Variants in GOLM2 observed in about 807,000 individuals in gnomAD.
GOLM2 encodes the protein protein GOLM2.
In GOLM2, 26 loss-of-function variants were observed where a neutral mutation model predicts 55.9. The ratio of observed to expected loss-of-function variants is 0.47; its 90% CI spans 0.34 to 0.65. The LOEUF (loss-of-function observed/expected upper bound fraction) is 0.65. Among genes scored for constraint, GOLM2 ranks in the 30% least tolerant of loss-of-function variants. The probability of loss-of-function intolerance (pLI) is 0.01; values close to 1 mark genes in which losing one functional copy is unlikely to be tolerated. For synonymous variants in GOLM2, 165 were observed against 194.6 expected, an observed-to-expected ratio of 0.85 and a Z score of 1.27; for missense variants, 486 against 531.8, an observed-to-expected ratio of 0.91 and a Z score of 0.85.
intron 1 of GOLM2, among the ~76,000 whole-genome samples, chr15:44,316,350 T>C (rs2078909513): frequency 6.6e-6 from 1 of 151,940 alleles, no homozygotes; most frequent in Non-Finnish European, 1.5e-5. Flanking sequence ...GAAAAAACAG[T>C]GAACTATGAG....
intron 8 of GOLM2, among the ~76,000 whole-genome samples, chr15:44,398,958 AT>A (rs2079545665): frequency 6.6e-6 from 1 of 151,966 alleles, no homozygotes. Context: ...GTGAGCCACC[AT>A]GCCTGGCCCC....
At chr15:44,340,944 A>G (rs2079086678) in intron 6 of GOLM2, among the ~76,000 whole-genome samples, 1 of 151,988 alleles carries the variant, frequency 6.6e-6, no homozygotes, top group Admixed American at 6.6e-5. Flanking sequence ...ACATAGAAGC[A>G]CTCTATTCAG....
intron 8 of GOLM2, chr15:44,387,607 C>T (rs1478659631): frequency 6.6e-6 from 1 of 151,832 alleles, no homozygotes. Context: ...TACTAAAATA[C>T]AAAAATTAGC....
At position 44,289,075 on chromosome 15, in the gene GOLM2, C is replaced by T; in HGVS notation, c.46C>T (p.Leu16Phe). 1.9e-6 allele frequency: 3 copies of T among 1,614,074 alleles called. No homozygotes were observed. Among genetic ancestry groups the T allele is most frequent in the Non-Finnish European group, 2.5e-6 (3 of 1,179,982 alleles). The change falls in exon 1 of 10, where the codon CTC becomes TTC. Residue 16 changes from leucine to phenylalanine, a missense_variant. Transcript: ENST00000299957. This position sits in a 1 kb window ranked among gnomAD's most constrained non-coding sequence, Gnocchi z 4.8. ...ANRRAGRLPS[L>F]VLVVLLVVIV... is the part of the protein sequence containing the mutation. ...CCGGCGGGCTGGCCGCCTGCCCTCT[C>T]TCGTGCTGGTGGTGCTGCTGGTGGT...
chr15:44,333,295 T>C (rs1455103438), intron 4 of GOLM2, among the ~76,000 whole-genome samples: 1 of 152,170 alleles, frequency 6.6e-6, no homozygotes, highest in African/African-American at 2.4e-5. Flanking sequence ...ACTCTTGTGA[T>C]TTAAAGGAAA....
At chr15:44,360,689 T>C (rs1220108264) in intron 6 of GOLM2, among the ~76,000 whole-genome samples, 1 of 152,120 alleles carries the variant, frequency 6.6e-6, no homozygotes, top group Admixed American at 6.6e-5. Flanking sequence ...AACTCAGCTC[T>C]GCACCAAGTG....
chr15:44,292,492 G>A (rs924108671), intron 1 of GOLM2, among the ~76,000 whole-genome samples: 2 of 152,034 alleles, frequency 1.3e-5, no homozygotes, highest in African/African-American at 2.4e-5. Context: ...CACCGCACCC[G>A]GCTAGTTCTG....
intron 1 of GOLM2, among the ~76,000 whole-genome samples, chr15:44,295,277 A>G (rs1209036438): frequency 6.6e-6 from 1 of 152,006 alleles, no homozygotes; most frequent in Non-Finnish European, 1.5e-5. Context: ...ACAGGGTTTC[A>G]CCATGTTGGC....
In GOLM2 at chr15:44,369,009, G is replaced by A. The variant is rs138309164; in HGVS notation, c.803-10681G>A. ...CAGACAAATTACTGGAGGAGCCTGC[G>A]TTAGGGTTCCCTAGAGGTACAGAAC... On this transcript the variant is annotated intron_variant, in intron 6 of 9. Coordinates refer to ENST00000299957, the MANE Select transcript of GOLM2 (RefSeq NM_138423.4). Among the ~76,000 whole-genome samples, 388 of 137,020 alleles carry A rather than the reference G, an allele frequency of 2.8e-3. 5 individuals carry two copies. Among genetic ancestry groups the A allele is most frequent in the Non-Finnish European group, 5.0e-3 (320 of 64,536 alleles). The allele number at this position is 137,020 out of a possible 152,430, so 89.9% of individuals were successfully genotyped here.
chr15:44,315,504 G>C (rs1170866216), intron 1 of GOLM2, among the ~76,000 whole-genome samples: 3 of 152,116 alleles, frequency 2.0e-5, no homozygotes, highest in Non-Finnish European at 4.4e-5. Flanking sequence ...CTTCAGAAGA[G>C]AGCTGGTAGA....
chr15:44,356,951 G>A (rs958385882), intron 6 of GOLM2, among the ~76,000 whole-genome samples: 1 of 152,082 alleles, frequency 6.6e-6, no homozygotes, highest in Non-Finnish European at 1.5e-5. Context: ...TGGGCAAATT[G>A]CTTGAGCTCA....
intron 8 of GOLM2, among the ~76,000 whole-genome samples, chr15:44,402,061 C>T (rs1209621225): frequency 1.3e-5 from 2 of 152,000 alleles, no homozygotes; most frequent in Non-Finnish European, 2.9e-5. Flanking sequence ...AACTACTGAC[C>T]TCAGGTGATC....
intron 6 of GOLM2, among the ~76,000 whole-genome samples, chr15:44,370,795 G>A (rs574652770): frequency 3.3e-5 from 5 of 152,172 alleles, no homozygotes; most frequent in Admixed American, 2.6e-4. Context: ...GAGTATCTGG[G>A]ACTACAAGTG....
chr15:44,345,961 G>C (rs1323463299), intron 6 of GOLM2: 1 of 152,002 alleles, frequency 6.6e-6, no homozygotes, highest in Non-Finnish European at 1.5e-5. Context: ...AAGTATAGTA[G>C]CGTGATCTTG....
At chr15:44,351,645 T>C (rs2079165817) in intron 6 of GOLM2, among the ~76,000 whole-genome samples, 1 of 149,580 alleles carries the variant, frequency 6.7e-6, no homozygotes. Flanking sequence ...GAAGTCAAAT[T>C]ATCCTTGTTT....
chr15:44,394,887 A>G (rs1220183161), intron 8 of GOLM2, among the ~76,000 whole-genome samples: 1 of 152,244 alleles, frequency 6.6e-6, no homozygotes, highest in African/African-American at 2.4e-5. Context: ...TGAAGGCTAG[A>G]AAAAAGAGGC....
chr15:44,343,823 CAAAA>C (rs1201462381), intron 6 of GOLM2, among the ~76,000 whole-genome samples: 2 of 67,302 alleles, frequency 3.0e-5, no homozygotes, highest in Admixed American at 1.7e-4. Flanking sequence ...GACTCTGTCT[CAAAA>C]AAAAAAAAAA....
chr15:44,351,576 C>CAAAAAAAAAAAAAAAAAAAA (rs1175016633), intron 6 of GOLM2, among the ~76,000 whole-genome samples: 1 of 45,890 alleles, frequency 2.2e-5, no homozygotes, highest in African/African-American at 8.3e-5. Context: ...GACTCTGTCT[C>CAAAAAAAAAAAAAAAAAAAA]AAAAAAAAAA....
chr15:44,413,810 CTTTT>C lies in GOLM2; in HGVS notation c.*418_*421del, dbSNP rs878960875. ...GCAGAAAACTTTTTATACTCTAATT[CTTTT>C]TTTTTTTTTTTTTGAGACAGAGTTT... On this transcript the variant is annotated 3_prime_UTR_variant, in exon 10 of 10. Coordinates refer to ENST00000299957, the MANE Select transcript of GOLM2 (RefSeq NM_138423.4). The C allele has an allele frequency of 3.7e-5, 5 of 136,952 alleles. No individual in the cohort carries two copies. The highest frequency in any genetic ancestry group is 5.3e-5 in the African/African-American group (2 of 37,390). 8.5% of individuals were successfully genotyped at this position (136,952 alleles called of 1,614,324 possible).
Sources: allele counts gnomAD v4.1 joint callset (sites outside exome capture counted in the v4.1 genomes callset), GRCh38; gene constraint gnomAD v4.1.1; non-coding constraint Gnocchi (gnomAD v3.1); transcripts MANE v1.5; gene names NCBI Gene and HGNC (gene_info 2026-07-23, HGNC 2026-07-21).